The following SAMMSON variants were observed in gnomAD, a reference collection of about 807,000 sequenced individuals.
SAMMSON encodes long intergenic non-protein coding RNA 1212.
chr3:70,292,738 C>T (rs866718075), intron 7 of SAMMSON, among the ~76,000 whole-genome samples: 1 of 152,018 alleles, frequency 6.6e-6, no homozygotes, highest in Non-Finnish European at 1.5e-5. Context: ...CACACACACA[C>T]ACATGCACAC....
At chr3:70,270,123 C>T (rs1293241022) in intron 6 of SAMMSON, among the ~76,000 whole-genome samples, 1 of 152,070 alleles carries the variant, frequency 6.6e-6, no homozygotes, top group Non-Finnish European at 1.5e-5. Flanking sequence ...GCATTATGCA[C>T]ATACATTTGA....
At chr3:70,005,516 A>G (rs2066923313) in intron 1 of SAMMSON, among the ~76,000 whole-genome samples, 1 of 152,144 alleles carries the variant, frequency 6.6e-6, no homozygotes, top group African/African-American at 2.4e-5. Context: ...GGCTTTCTAC[A>G]TTCAAAGTGG....
At chr3:70,282,163 C>T (rs965845981) in intron 6 of SAMMSON, among the ~76,000 whole-genome samples, 11 of 152,120 alleles carry the variant, frequency 7.2e-5, no homozygotes, top group African/African-American at 2.7e-4. Context: ...ACAGATTGCT[C>T]CCATCTCCTG....
intron 1 of SAMMSON, among the ~76,000 whole-genome samples, chr3:70,003,946 T>G (rs1056927182): frequency 8.6e-5 from 13 of 152,038 alleles, no homozygotes; most frequent in African/African-American, 3.1e-4. Flanking sequence ...TTGCATATAT[T>G]TTATATATTT....
At chr3:70,391,037 G>T (rs894566901), downstream of SAMMSON, among the ~76,000 whole-genome samples, 6 of 152,078 alleles carry the variant, frequency 3.9e-5, no homozygotes, top group Non-Finnish European at 8.8e-5. Context: ...TTTCATCATG[G>T]CCAGACCATA....
intron 4 of SAMMSON, among the ~76,000 whole-genome samples, chr3:70,239,789 C>T (rs1701648426): frequency 6.6e-6 from 1 of 152,104 alleles, no homozygotes. Context: ...ATGCTAAATA[C>T]AGTGACGTCT....
intron 3 of SAMMSON, among the ~76,000 whole-genome samples, chr3:70,070,978 GC>G (rs2067227097): frequency 6.6e-6 from 1 of 151,914 alleles, no homozygotes; most frequent in Non-Finnish European, 1.5e-5. Context: ...TAGTCAATGT[GC>G]TTTAAATTAT....
At chr3:70,268,392 T>C (rs1701942805) in intron 6 of SAMMSON, among the ~76,000 whole-genome samples, 1 of 148,398 alleles carries the variant, frequency 6.7e-6, no homozygotes, top group Admixed American at 7.0e-5. Context: ...GGAGAATCAC[T>C]TGAACCCGGG....
At chr3:69,999,937 C>T (rs1024369821) in intron 1 of SAMMSON, 5 of 152,282 alleles carry the variant, frequency 3.3e-5, no homozygotes, top group South Asian at 4.1e-4. Flanking sequence ...GGGAAAACCA[C>T]CTCCCTTCTC....
intron 4 of SAMMSON, among the ~76,000 whole-genome samples, chr3:70,156,452 G>A (rs1220034448): frequency 6.6e-6 from 1 of 151,946 alleles, no homozygotes; most frequent in East Asian, 1.9e-4. Context: ...GCTGCTCCAA[G>A]TCTCCAACTG....
intron 4 of SAMMSON, among the ~76,000 whole-genome samples, chr3:70,170,848 T>C (rs532329271): frequency 6.6e-6 from 1 of 152,002 alleles, no homozygotes; most frequent in East Asian, 1.9e-4. Context: ...TATTTTCCAC[T>C]AACCCAAACT....
At position 70,212,083 on chromosome 3, in the gene SAMMSON, C is replaced by T. The variant is rs1033978132; in HGVS notation, n.508-37024C>T. ...AGGCCGTATTTGTCCACACTCACATCGTCATTGATTTCTTTGTGAAGTTGG... is the reference window on the plus strand; with the variant it reads ...AGGCCGTATTTGTCCACACTCACATTGTCATTGATTTCTTTGTGAAGTTGG... On this transcript the variant is annotated intron_variant and non_coding_transcript_variant, in intron 4 of 9. Coordinates refer to ENST00000642114, the Ensembl canonical transcript of SAMMSON. Among the ~76,000 whole-genome samples the T allele has an allele frequency of 2.6e-5, 4 of 152,040 alleles. No individual in the cohort carries two copies. The South Asian group carries it at 6.2e-4, about 24-fold the overall frequency.
downstream of SAMMSON, among the ~76,000 whole-genome samples, chr3:70,394,083 C>T (rs1701071864): frequency 1.3e-5 from 2 of 152,118 alleles, no homozygotes; most frequent in East Asian, 3.9e-4. Flanking sequence ...GTTGAGAGCT[C>T]TTTCAAGGTT....
chr3:70,006,176 G>C (rs1270155619), intron 1 of SAMMSON, among the ~76,000 whole-genome samples: 1 of 152,146 alleles, frequency 6.6e-6, no homozygotes, highest in African/African-American at 2.4e-5. Flanking sequence ...AAACAGATTA[G>C]TGTCATTAGG....
intron 9 of SAMMSON, among the ~76,000 whole-genome samples, chr3:70,386,122 T>C (rs1446874576): frequency 6.6e-6 from 1 of 152,106 alleles, no homozygotes. Context: ...GGCAAGAGCG[T>C]TTTGAAGCCT....
chr3:70,042,385 T>C (rs1451550179), intron 3 of SAMMSON, among the ~76,000 whole-genome samples: 1 of 152,092 alleles, frequency 6.6e-6, no homozygotes, highest in African/African-American at 2.4e-5. Flanking sequence ...TGTTTTTCCA[T>C]GAATGGTGGA....
intron 7 of SAMMSON, among the ~76,000 whole-genome samples, chr3:70,318,477 TGTGA>T (rs1465785895): frequency 6.6e-6 from 1 of 151,838 alleles, no homozygotes; most frequent in African/African-American, 2.4e-5. Flanking sequence ...TGTGTGTGTG[TGTGA>T]GTGTGTGTGT....
At chr3:70,426,480 T>A (rs1307214625) in intron 2 of SAMMSON, among the ~76,000 whole-genome samples, 1 of 152,166 alleles carries the variant, frequency 6.6e-6, no homozygotes, top group Non-Finnish European at 1.5e-5. Flanking sequence ...GATTCCCGGG[T>A]TGAGGATTCT....
chr3:70,176,820 A>AT (rs960505089), intron 4 of SAMMSON, among the ~76,000 whole-genome samples: 1 of 152,124 alleles, frequency 6.6e-6, no homozygotes, highest in African/African-American at 2.4e-5. Flanking sequence ...AAAGATGATC[A>AT]TTTTTTTCTG....
Sources: allele counts gnomAD v4.1 joint callset (sites outside exome capture counted in the v4.1 genomes callset), GRCh38; gene constraint gnomAD v4.1.1; transcripts MANE v1.5; gene names NCBI Gene and HGNC (gene_info 2026-07-23, HGNC 2026-07-21).